Variants in ALG12 observed in about 807,000 individuals in gnomAD.
ALG12 encodes the protein ALG12 alpha-1,6-mannosyltransferase.
In ALG12, 36 loss-of-function variants were observed where a neutral mutation model predicts 46.0. The ratio of observed to expected loss-of-function variants is 0.78; its 90% CI spans 0.60 to 1.03. The LOEUF (loss-of-function observed/expected upper bound fraction) is 1.03, where lower values mean the gene tolerates loss of function less well. Among genes scored for constraint, ALG12 ranks in the 50% least tolerant of loss-of-function variants. The pLI is 0.00. For synonymous variants in ALG12, 326 were observed against 291.6 expected (o/e 1.12, Z -1.20); for missense variants, 599 against 633.5 (o/e 0.95, Z 0.58).
the ALG12 span, among the ~76,000 whole-genome samples, chr22:49,890,828 A>G: frequency 6.6e-6 from 1 of 152,172 alleles, no homozygotes; most frequent in Non-Finnish European, 1.5e-5. Flanking sequence ...CATCCTGGCT[A>G]ACATGGTGAA....
chr22:49,910,008 T>C lies in ALG12; in HGVS notation c.550A>G (p.Arg184Gly), dbSNP rs1569176254. The C allele has an allele frequency of 1.5e-5, 24 of 1,613,658 alleles. No homozygotes were observed. The highest frequency in any genetic ancestry group is 2.0e-5 in the Non-Finnish European group (24 of 1,179,962). Reference sequence around the variant, plus strand: ...CCCAGGAACAGGCACAGCTCCACCCTGAACACGATGATGGCGAAGGCTGAC... The same window carrying C: ...CCCAGGAACAGGCACAGCTCCACCCCGAACACGATGATGGCGAAGGCTGAC... ...WLSAFAIIVF[R>G]VELCLFLGLL... The change falls in exon 5 of 10, where the codon AGG becomes GGG. Residue 184 changes from arginine to glycine, a missense_variant. Arg to Gly is a moderately radical substitution (Grantham distance 125). Transcript: ENST00000330817.
At chr22:49,882,747 G>A in the ALG12 span, among the ~76,000 whole-genome samples, 367 of 151,302 alleles carry the variant, frequency 2.4e-3, 14 homozygotes, top group East Asian at 0.052. Flanking sequence ...CCAGCACGGC[G>A]CAGCATCACT....
chr22:49,864,947 C>CGCCCCG, the ALG12 span, among the ~76,000 whole-genome samples: 1 of 91,732 alleles, frequency 1.1e-5, no homozygotes, highest in Non-Finnish European at 1.9e-5. Flanking sequence ...GCCCCCCCCC[C>CGCCCCG]CCCCCGTGAA....
the ALG12 span, among the ~76,000 whole-genome samples, chr22:49,862,205 T>A: frequency 6.6e-6 from 1 of 152,390 alleles, no homozygotes; most frequent in Middle Eastern, 3.4e-3. Flanking sequence ...CGGTTGGCCC[T>A]GTGCGTGGAA....
At chr22:49,875,226 ATTTT>A in the ALG12 span, among the ~76,000 whole-genome samples, 2 of 141,842 alleles carry the variant, frequency 1.4e-5, no homozygotes, top group African/African-American at 5.2e-5. Context: ...AAGAATTTGT[ATTTT>A]TTTTTTCTTT....
chr22:49,887,007 C>T, the ALG12 span: 23,431 of 1,613,988 alleles, frequency 0.015, 1,009 homozygotes, highest in African/African-American at 0.15. Flanking sequence ...CGGGGCTGTC[C>T]GCGCTGGCCG....
the ALG12 span, chr22:49,886,661 C>T: frequency 3.9e-5 from 62 of 1,607,530 alleles, no homozygotes; most frequent in African/African-American, 4.1e-4. The surrounding 1 kb of genome is among the most constrained non-coding windows in gnomAD (Gnocchi z 7.7). Context: ...CTCCACGACC[C>T]GCGGTACGTC....
intron 7 of ALG12, among the ~76,000 whole-genome samples, chr22:49,907,136 G>A (rs1045918089): frequency 3.3e-5 from 5 of 152,076 alleles, no homozygotes; most frequent in African/African-American, 1.2e-4. Flanking sequence ...CCAGCCAGAT[G>A]ACCCGCCTTG....
At chr22:49,884,878 G>C in the ALG12 span, 1 of 1,605,832 alleles carries the variant, frequency 6.2e-7, no homozygotes, top group Non-Finnish European at 8.5e-7. Flanking sequence ...CCCTGGAGAT[G>C]GGCTGATGGA....
chr22:49,890,955 G>A, the ALG12 span, among the ~76,000 whole-genome samples: 1 of 152,010 alleles, frequency 6.6e-6, no homozygotes, highest in Middle Eastern at 3.2e-3. Context: ...GCGTGAACCT[G>A]GGAGGCAGAG....
chr22:49,870,884 C>G, the ALG12 span, among the ~76,000 whole-genome samples: 2 of 151,700 alleles, frequency 1.3e-5, no homozygotes, highest in Non-Finnish European at 2.9e-5. Context: ...TATTTTGAAG[C>G]AAATACCCAA....
chr22:49,888,096 T>TA, the ALG12 span: 2 of 167,252 alleles, frequency 1.2e-5, no homozygotes, highest in Non-Finnish European at 2.9e-5. Context: ...AAGAAGCTTG[T>TA]TATATTCCAG....
the ALG12 span, among the ~76,000 whole-genome samples, chr22:49,869,034 G>C: frequency 6.7e-6 from 1 of 150,172 alleles, no homozygotes; most frequent in Non-Finnish European, 1.5e-5. Context: ...TGAGGCAGGA[G>C]AATCACTTGA....
the ALG12 span, among the ~76,000 whole-genome samples, chr22:49,872,522 A>G: frequency 6.6e-6 from 1 of 151,974 alleles, no homozygotes; most frequent in African/African-American, 2.4e-5. Context: ...CAGGAATCAC[A>G]CATGGTTTTG....
chr22:49,887,014 G>A, the ALG12 span: 1 of 1,614,108 alleles, frequency 6.2e-7, no homozygotes, highest in Non-Finnish European at 8.5e-7. Context: ...GTCCGCGCTG[G>A]CCGTCAGATT....
rs772926049 is a variant in ALG12, at chr22:49,910,078, G to A, written c.480C>T (p.Ala160=). ...NVLALPVVLL[A]LAAWLRHEWA... is the part of the protein sequence containing the mutation. The stretch of plus-strand genomic sequence containing the variant: ...ACTCGTGCCGCAGCCAGGCCGCGAG[G>A]GCCAGCAGGACTGCAAGACAGTGCG... Residue 160 remains alanine, a synonymous_variant, in exon 5 of 10, where the codon GCC becomes GCT. Transcript: ENST00000330817. 7 of 1,608,256 alleles carry A rather than the reference G, an allele frequency of 4.4e-6. No homozygotes were observed. The highest frequency in any genetic ancestry group is 2.7e-5 in the African/African-American group (2 of 74,870).
rs62654813 is a variant in ALG12 at position 49,902,537 on chromosome 22, C to A, written c.*1301G>T. 1.8e-5 allele frequency: 2 copies of A among 108,430 alleles called. 1 individual carries two copies. The highest frequency in any genetic ancestry group is 3.3e-5 in the Non-Finnish European group (2 of 59,890). The allele number at this position is 108,430 out of a possible 1,614,324, so 6.7% of individuals were successfully genotyped here. ...CACTGTGTATGCATGGTAATGTGCA[C>A]GCGTGCACTGTGTGTATGCATGGTA... On this transcript the variant is annotated 3_prime_UTR_variant, in exon 10 of 10. Transcript: ENST00000330817.
chr22:49,911,128 C>T (rs905849510), intron 3 of ALG12, among the ~76,000 whole-genome samples: 90 of 152,234 alleles, frequency 5.9e-4, no homozygotes, highest in African/African-American at 2.0e-3. Flanking sequence ...GTGCCCAGGA[C>T]AGTACCCAGC....
the ALG12 span, among the ~76,000 whole-genome samples, chr22:49,869,410 A>G: frequency 3.3e-5 from 5 of 152,172 alleles, no homozygotes; most frequent in Non-Finnish European, 5.9e-5. Flanking sequence ...AGATTATTTC[A>G]TCTCTGACTG....
Sources: allele counts gnomAD v4.1 joint callset (sites outside exome capture counted in the v4.1 genomes callset), GRCh38; gene constraint gnomAD v4.1.1; non-coding constraint Gnocchi (gnomAD v3.1); transcripts MANE v1.5; gene names NCBI Gene and HGNC (gene_info 2026-07-23, HGNC 2026-07-21).